PNPLA7: variants seen among roughly 807,000 people sequenced by gnomAD.
PNPLA7 encodes patatin-like phospholipase domain-containing protein 7.
Under a neutral mutation model 161.7 loss-of-function variants are expected in PNPLA7, and 153 were observed. The observed-to-expected ratio is 0.95, with a 90% CI of 0.83 to 1.08. PNPLA7 has a LOEUF of 1.08. Among genes scored for constraint, PNPLA7 ranks in the 50% least tolerant of loss-of-function variants. The pLI is 0.00. For missense variants in PNPLA7, 1,739 were observed against 1,856.6 expected, an observed-to-expected ratio of 0.94 and a Z score of 1.16; for synonymous variants, 809 against 782.1, an observed-to-expected ratio of 1.03 and a Z score of -0.57.
At chr9:137,542,935 C>T (rs780420916) in intron 6 of PNPLA7, 134 bp from the exon 7 acceptor site, 8 of 850,540 alleles carry the variant, frequency 9.4e-6, no homozygotes, top group Non-Finnish European at 1.4e-5. Context: ...GGCTGACCAA[C>T]AAACCACACA....
At chr9:137,548,912 C>T (rs1181250079) in intron 1 of PNPLA7, among the ~76,000 whole-genome samples, 3 of 152,198 alleles carry the variant, frequency 2.0e-5, no homozygotes, top group Non-Finnish European at 4.4e-5. Context: ...GACAGGGGAA[C>T]CCCTACGCTC....
chr9:137,507,715 T>A (rs1028946996), intron 12 of PNPLA7, among the ~76,000 whole-genome samples: 14 of 145,454 alleles, frequency 9.6e-5, no homozygotes, highest in African/African-American at 3.6e-4. Flanking sequence ...CATGGTGGTA[T>A]GCACCTGACA....
chr9:137,518,649 C>T (rs1445663076), intron 11 of PNPLA7, among the ~76,000 whole-genome samples: 1 of 78,702 alleles, frequency 1.3e-5, no homozygotes, highest in Non-Finnish European at 2.7e-5. Context: ...ACTCCATCCC[C>T]CACTCACTCA....
intron 11 of PNPLA7, among the ~76,000 whole-genome samples, chr9:137,519,579 G>A (rs1834878133): frequency 6.6e-6 from 1 of 152,174 alleles, no homozygotes; most frequent in Non-Finnish European, 1.5e-5. Context: ...GACCTGGGGA[G>A]GTCTGAGGAC....
chr9:137,502,721 C>CGGGGGGCGGGGGGGGCGG (rs1326317923), intron 14 of PNPLA7, among the ~76,000 whole-genome samples: 1 of 12,142 alleles, frequency 8.2e-5, no homozygotes, highest in African/African-American at 4.5e-4. Context: ...GCGGGGGACG[C>CGGGGGGCGGGGGGGGCGG]GGGGGACGGG....
rs368728423 is a variant in PNPLA7 at position 137,500,848 on chromosome 9, G to A, written c.1600C>T (p.Arg534Trp). ...VVSGLLHVYQ[R>W]KIGSQEDTCL... ...GTGTCCTCCTGGCTGCCGATCTTCC[G>A]CTGGTACACGTGCAGCAGCCCCGAG... The change falls in exon 16 of 35, where the codon CGG becomes TGG. Residue 534 changes from arginine to tryptophan, a missense_variant. This residue lies in a region of PNPLA7 where 481 missense variants were observed against 450.0 expected (regional missense o/e 1.07). Transcript: ENST00000406427. The surrounding 1 kb of genome is among the most constrained non-coding windows in gnomAD (Gnocchi z 5.5). 515 of 1,595,896 alleles carry A rather than the reference G, an allele frequency of 3.2e-4. 3 individuals carry two copies. Among genetic ancestry groups the A allele is most frequent in the South Asian group, 1.1e-3 (97 of 88,422 alleles).
At chr9:137,479,528 T>C in intron 23 of PNPLA7, 3 of 1,138,618 alleles carry the variant, frequency 2.6e-6, no homozygotes, top group Non-Finnish European at 2.2e-6. Context: ...CCTTTCCAAA[T>C]GAGGTATTTT....
chr9:137,487,090 G>A (rs372918337), intron 20 of PNPLA7, among the ~76,000 whole-genome samples: 4 of 151,914 alleles, frequency 2.6e-5, no homozygotes, highest in Non-Finnish European at 5.9e-5. Flanking sequence ...TCCTGAGCAC[G>A]GTGCCAGCTT....
In PNPLA7 at chr9:137,500,734, T is replaced by A. The variant is rs150172054; in HGVS notation, c.1714A>T (p.Arg572Trp). ...EPLIFTVKAN[R>W]DCSFLSISKA... ...GAGATGGACAGGAAGCTGCAGTCCC[T>A]GTTGGCCTTGACGGTGAAGATGAGA... The change falls in exon 16 of 35, where the codon AGG (arginine) becomes TGG (tryptophan). Residue 572 changes from arginine (R) to tryptophan (W), a missense_variant. Arg to Trp is a moderately radical substitution (Grantham distance 101). This residue lies in a region of PNPLA7 where 481 missense variants were observed against 450.0 expected (regional missense o/e 1.07). Transcript: ENST00000406427. This position sits in a 1 kb window ranked among gnomAD's most constrained non-coding sequence, Gnocchi z 5.5. The A allele has an allele frequency of 2.0e-4, 322 of 1,612,296 alleles. No individual in the cohort carries two copies. Among genetic ancestry groups the A allele is most frequent in the Non-Finnish European group, 2.5e-4 (299 of 1,179,858 alleles).
chr9:137,534,672 C>T (rs1026677959), intron 8 of PNPLA7, among the ~76,000 whole-genome samples: 3 of 152,252 alleles, frequency 2.0e-5, no homozygotes, highest in Non-Finnish European at 4.4e-5. Context: ...TGTTAACGAG[C>T]CCTGACCCCA....
At chr9:137,495,210 C>T (rs888455182) in intron 18 of PNPLA7, 64 bp from the exon 19 acceptor site, 2 of 1,217,792 alleles carry the variant, frequency 1.6e-6, no homozygotes, top group African/African-American at 3.0e-5. Context: ...TGGACCTGTC[C>T]CTGACAGCCT....
At chr9:137,522,481 C>T (rs1004102139) in intron 9 of PNPLA7, among the ~76,000 whole-genome samples, 4 of 152,266 alleles carry the variant, frequency 2.6e-5, no homozygotes, top group Non-Finnish European at 4.4e-5. Context: ...TGAGCCGCCG[C>T]GCCCGGCCCC....
chr9:137,484,724 C>A lies in PNPLA7; in HGVS notation c.2210G>T (p.Gly737Val). The A allele has an allele frequency of 6.2e-7, 1 of 1,609,500 alleles. No homozygotes were observed. ...CCACTTGCTGCCCTCCGTGGGGAGC[C>A]CAAGCTGGTGGCCTGTGGAGCAAAG... ...QQGPVTGHQL[G>V]LPTEGSKWDL... The change falls in exon 21 of 35, where the codon GGG becomes GTG. Residue 737 changes from glycine to valine, a missense_variant. Coordinates refer to ENST00000406427, the MANE Select transcript of PNPLA7 (RefSeq NM_001098537.3).
intron 20 of PNPLA7, chr9:137,491,708 G>A (rs1195012202): frequency 1.0e-6 from 1 of 985,344 alleles, no homozygotes; most frequent in Admixed American, 6.1e-5. Flanking sequence ...CTGCCTCTGT[G>A]TGGCCCTCTG....
chr9:137,522,859 T>G lies in PNPLA7; in HGVS notation c.748-2A>C. 1 of 1,613,014 alleles carries G rather than the reference T, an allele frequency of 6.2e-7. No individual in the cohort carries two copies. Among genetic ancestry groups the G allele is most frequent in the Non-Finnish European group, 8.5e-7 (1 of 1,179,628 alleles). ...CGTTTTGTAAGGTGCAGCATGGCCC[T>G]GTAACAACAGCTCCATCAGTCCCCA... On this transcript the variant is annotated splice_acceptor_variant, in intron 8 of 34. Coordinates refer to ENST00000406427, the MANE Select transcript of PNPLA7 (RefSeq NM_001098537.3). LOFTEE classifies it high-confidence loss of function.
intron 25 of PNPLA7, among the ~76,000 whole-genome samples, chr9:137,470,646 A>C (rs1188795925): frequency 1.3e-5 from 2 of 152,172 alleles, no homozygotes; most frequent in East Asian, 1.9e-4. Context: ...CAACAAACAA[A>C]CCTTCATACC....
At chr9:137,533,505 A>C (rs1409433508) in intron 8 of PNPLA7, among the ~76,000 whole-genome samples, 22 of 89,848 alleles carry the variant, frequency 2.4e-4, no homozygotes, top group East Asian at 3.7e-4. Flanking sequence ...GACTCCCAGA[A>C]TCCTCCACAA....
In PNPLA7 at chr9:137,520,378, CA is replaced by C. The variant is rs764145958; in HGVS notation, c.958-336del. Among the ~76,000 whole-genome samples, 1 of 152,192 alleles carries C rather than the reference CA, an allele frequency of 6.6e-6. No homozygotes were observed. The highest frequency in any genetic ancestry group is 1.5e-5 in the Non-Finnish European group (1 of 68,018). On this transcript the variant is annotated intron_variant, in intron 10 of 34. Transcript: ENST00000406427. The surrounding 1 kb of genome is among the most constrained non-coding windows in gnomAD (Gnocchi z 5.2). ...CCTGCTTTTACCCTAGGCCCTGTCT[CA>C]AACACTTGATCAAGTCAACATACTG...
intron 8 of PNPLA7, among the ~76,000 whole-genome samples, chr9:137,539,247 G>T (rs1836057954): frequency 6.6e-6 from 1 of 152,146 alleles, no homozygotes; most frequent in Non-Finnish European, 1.5e-5. Context: ...GGAGGCTGAG[G>T]CAAGAGAATT....
Sources: gnomAD v4.1 joint callset for allele counts (sites outside exome capture counted in the v4.1 genomes callset) on GRCh38, gnomAD v4.1.1 for gene constraint, gnomAD v4.1.1 regional missense constraint, Gnocchi (gnomAD v3.1) non-coding constraint, MANE v1.5 for transcripts, NCBI Gene and HGNC (gene_info 2026-07-23, HGNC 2026-07-21) for gene names.